RHOH: variants seen among roughly 807,000 people sequenced by gnomAD.
The protein encoded by RHOH is ras homolog family member H.
In RHOH, 6 loss-of-function variants were observed where a neutral mutation model predicts 13.8. The observed-to-expected ratio is 0.44, with a 90% CI of 0.24 to 0.86. The LOEUF is 0.86. Among genes scored for constraint, RHOH ranks in the 40% least tolerant of loss-of-function variants. RHOH has a pLI of 0.24. For synonymous variants in RHOH, 117 were observed against 103.0 expected, an observed-to-expected ratio of 1.14 and a Z score of -0.82; for missense variants, 147 against 244.5, an observed-to-expected ratio of 0.60 and a Z score of 2.66.
chr4:40,236,486 A>G (rs1036924309), intron 1 of RHOH, among the ~76,000 whole-genome samples: 3 of 152,116 alleles, frequency 2.0e-5, no homozygotes, highest in Admixed American at 6.6e-5. Context: ...CAAGAAAATC[A>G]TCCCCCATAA....
At chr4:40,196,056 C>G (rs1334742600), upstream of RHOH, among the ~76,000 whole-genome samples, 1 of 152,302 alleles carries the variant, frequency 6.6e-6, no homozygotes, top group Admixed American at 6.5e-5. Flanking sequence ...TCCTTCTCAT[C>G]CATTAGAGTG....
intron 1 of RHOH, chr4:40,205,907 A>G (rs1045651088): frequency 1.3e-5 from 2 of 152,258 alleles, no homozygotes; most frequent in Admixed American, 1.3e-4. Flanking sequence ...GGGAAAATCT[A>G]TAACAAATAT....
intron 1 of RHOH, among the ~76,000 whole-genome samples, chr4:40,227,289 A>G (rs1251361532): frequency 6.6e-6 from 1 of 152,260 alleles, no homozygotes; most frequent in African/African-American, 2.4e-5. Context: ...CTGTGTGAAT[A>G]ATTTGGCATG....
In RHOH at chr4:40,243,319, G is replaced by A; in HGVS notation, c.-68G>A. The A allele has an allele frequency of 1.4e-6, 2 of 1,396,200 alleles. No individual in the cohort carries two copies. The highest frequency in any genetic ancestry group is 1.4e-5 in the African/African-American group (1 of 69,416). The allele number at this position is 1,396,200 out of a possible 1,614,324, so 86.5% of individuals were successfully genotyped here. ...TTCCCCTTGCTGAATGGCGTGTGCTGCAGCTGCCCACTGAGGGCTCTTTTC... is the reference window on the plus strand; with the variant it reads ...TTCCCCTTGCTGAATGGCGTGTGCTACAGCTGCCCACTGAGGGCTCTTTTC... On this transcript the variant is annotated 5_prime_UTR_variant, in exon 3 of 3. Transcript: ENST00000381799. The surrounding 1 kb of genome is among the most constrained non-coding windows in gnomAD (Gnocchi z 6.2).
At chr4:40,237,768 C>A (rs2109553837) in intron 1 of RHOH, among the ~76,000 whole-genome samples, 1 of 152,252 alleles carries the variant, frequency 6.6e-6, no homozygotes, top group South Asian at 2.1e-4. Flanking sequence ...TAGGCCATCC[C>A]CAACTGGCGA....
At chr4:40,200,285 A>G (rs1271505366) in intron 1 of RHOH, 1 of 152,260 alleles carries the variant, frequency 6.6e-6, no homozygotes, top group African/African-American at 2.4e-5. Context: ...AGAAGTTGTC[A>G]TACTGTTCCC....
chr4:40,207,757 A>T (rs1724813211), intron 1 of RHOH, among the ~76,000 whole-genome samples: 3 of 152,222 alleles, frequency 2.0e-5, no homozygotes, highest in Admixed American at 2.0e-4. Flanking sequence ...ACCTGAGGTC[A>T]GGAGTTCGAG....
At chr4:40,201,945 G>GTTT (rs1179441198) in intron 1 of RHOH, among the ~76,000 whole-genome samples, 14 of 109,034 alleles carry the variant, frequency 1.3e-4, no homozygotes, top group Non-Finnish European at 1.7e-4. Flanking sequence ...AACTCCATGA[G>GTTT]TTTTTTTTTT....
At chr4:40,204,379 C>G (rs907005429) in intron 1 of RHOH, among the ~76,000 whole-genome samples, 2 of 152,222 alleles carry the variant, frequency 1.3e-5, no homozygotes, top group Non-Finnish European at 2.9e-5. Context: ...GAAATCAGAC[C>G]TCTTTCTACA....
intron 1 of RHOH, among the ~76,000 whole-genome samples, chr4:40,223,665 T>C (rs989702008): frequency 6.6e-6 from 1 of 151,878 alleles, no homozygotes; most frequent in African/African-American, 2.4e-5. Context: ...CAGAGTCCCA[T>C]TGTGTTGTCC....
chr4:40,243,781 A>G lies in RHOH; in HGVS notation c.395A>G (p.Asn132Ser). Residue 132 changes from asparagine (N) to serine (S), a missense_variant, in exon 3 of 3, where the codon AAT (asparagine) becomes AGT (serine). By Grantham distance (46) the Asn-to-Ser change is conservative. Coordinates refer to ENST00000381799, the MANE Select transcript of RHOH (RefSeq NM_004310.5). The surrounding 1 kb of genome is among the most constrained non-coding windows in gnomAD (Gnocchi z 6.2). ...GGGCCCCACAGGGCCTCCTGCGTCAATGCCATGGAAGGGAAGAAACTGGCC... is the reference window on the plus strand; with the variant it reads ...GGGCCCCACAGGGCCTCCTGCGTCAGTGCCATGGAAGGGAAGAAACTGGCC... ...EMGPHRASCVNAMEGKKLAQD... is the reference protein window; with the variant it reads ...EMGPHRASCVSAMEGKKLAQD... 3 of 1,614,126 alleles carry G rather than the reference A, an allele frequency of 1.9e-6. No individual in the cohort carries two copies. Among genetic ancestry groups the G allele is most frequent in the East Asian group, 2.2e-5 (1 of 44,884 alleles).
intron 1 of RHOH, among the ~76,000 whole-genome samples, chr4:40,236,738 G>A (rs1270609816): frequency 6.6e-6 from 1 of 151,786 alleles, no homozygotes; most frequent in Non-Finnish European, 1.5e-5. Flanking sequence ...GTTGCAGTGA[G>A]CCGAGATCGT....
At chr4:40,191,443 T>C (rs1722706274), upstream of RHOH, 1 of 152,174 alleles carries the variant, frequency 6.6e-6, no homozygotes, top group African/African-American at 2.4e-5. Context: ...TCAAGGATAT[T>C]GTAAAAAGGG....
intron 1 of RHOH, among the ~76,000 whole-genome samples, chr4:40,203,017 G>T (rs1724199549): frequency 6.6e-6 from 1 of 151,982 alleles, no homozygotes; most frequent in African/African-American, 2.4e-5. Flanking sequence ...TGTTGCCCAG[G>T]CTGGAGTGCA....
rs1161299550 is a variant in RHOH, at chr4:40,246,082, G to C, written c.*2120G>C. 1.3e-5 allele frequency: 2 copies of C among 152,206 alleles called. No individual in the cohort carries two copies. Among genetic ancestry groups the C allele is most frequent in the African/African-American group, 2.4e-5 (1 of 41,444 alleles). The allele number at this position is 152,206 out of a possible 1,614,324, so 9.4% of individuals were successfully genotyped here. A position where few individuals can be genotyped will look rare whatever the true frequency, so the allele number is the denominator to read the frequency against. On this transcript the variant is annotated 3_prime_UTR_variant, in exon 3 of 3. Transcript: ENST00000381799. ...GCTTGAAAGATGACCGGGCAGGGGA[G>C]GGGAAGGGATCTCATATCCTCTGAT...
At chr4:40,231,318 A>ATTTTT (rs3071888) in intron 1 of RHOH, among the ~76,000 whole-genome samples, 19 of 127,704 alleles carry the variant, frequency 1.5e-4, no homozygotes, top group South Asian at 1.0e-3. Flanking sequence ...TTCTTAGGTG[A>ATTTTT]TTTTTTTTTT....
rs1322242065 is a variant in RHOH at position 40,218,466 on chromosome 4, C to G, written c.-331+21166C>G. Among the ~76,000 whole-genome samples the G allele has an allele frequency of 6.6e-6, 1 of 152,188 alleles. No individual in the cohort carries two copies. The highest frequency in any genetic ancestry group is 1.5e-5 in the Non-Finnish European group (1 of 68,036). ...CAGACACGTGCTAGGGCCCCCTGTG[C>G]TTAGCTCGGCTAATGAGCCCAGGCT... On this transcript the variant is annotated intron_variant, in intron 1 of 2. Coordinates refer to ENST00000381799, the MANE Select transcript of RHOH (RefSeq NM_004310.5). The surrounding 1 kb of genome is among the most constrained non-coding windows in gnomAD (Gnocchi z 4.1).
At position 40,243,107 on chromosome 4, in the gene RHOH, A is replaced by G; in HGVS notation, c.-209-71A>G. 1 of 358,078 alleles carries G rather than the reference A, an allele frequency of 2.8e-6. No individual in the cohort carries two copies. The highest frequency in any genetic ancestry group is 5.1e-6 in the Non-Finnish European group (1 of 197,022). 22.2% of individuals were successfully genotyped at this position (358,078 alleles called of 1,614,324 possible). ...ACATTTAATCAGTTTGCCAATGAGG[A>G]AGCCCCTTATCTTCAAAAAAGGCAA... On this transcript the variant is annotated intron_variant, in intron 2 of 2. Coordinates refer to ENST00000381799, the MANE Select transcript of RHOH (RefSeq NM_004310.5). The surrounding 1 kb of genome is among the most constrained non-coding windows in gnomAD (Gnocchi z 6.2).
intron 1 of RHOH, among the ~76,000 whole-genome samples, chr4:40,207,014 C>T (rs1211852766): frequency 6.6e-6 from 1 of 152,126 alleles, no homozygotes; most frequent in South Asian, 2.1e-4. Context: ...CAAGACCAGC[C>T]TGGCCAAGAT....
Sources: gnomAD v4.1 joint callset for allele counts (sites outside exome capture counted in the v4.1 genomes callset) on GRCh38, gnomAD v4.1.1 for gene constraint, Gnocchi (gnomAD v3.1) non-coding constraint, MANE v1.5 for transcripts, NCBI Gene and HGNC (gene_info 2026-07-23, HGNC 2026-07-21) for gene names.